The following RREB1 variants were observed in gnomAD, a reference collection of about 807,000 sequenced individuals.
RREB1 encodes the protein ras-responsive element-binding protein 1.
Under a neutral mutation model 117.8 loss-of-function variants are expected in RREB1, and 27 were observed. That is an observed-to-expected ratio of 0.23 (90% CI 0.17 to 0.32). The LOEUF is 0.32. Ranked by LOEUF, RREB1 falls within the 10% of genes least tolerant of loss-of-function variation. The pLI, the probability that RREB1 is intolerant of heterozygous loss-of-function variation, is 1.00. For synonymous variants in RREB1, 1,298 were observed against 1,026.7 expected (o/e 1.26, Z -5.05); for missense variants, 2,577 against 2,378.2 (o/e 1.08, Z -1.74).
intron 1 of RREB1, among the ~76,000 whole-genome samples, 157 bp downstream of exon 1, chr6:7,108,217 G>C (rs1274619001): frequency 1.3e-5 from 2 of 152,050 alleles, no homozygotes; most frequent in Non-Finnish European, 2.9e-5. Context: ...CCGGAGCCGG[G>C]GACCCGCACG....
intron 1 of RREB1, among the ~76,000 whole-genome samples, chr6:7,117,111 TTATGTGTTTG>T (rs1761432355): frequency 6.6e-6 from 1 of 152,320 alleles, no homozygotes; most frequent in African/African-American, 2.4e-5. Context: ...AAATCTTGCT[TTATGTGTTTG>T]TATGTGTCTG....
At chr6:7,247,337 C>G in intron 12 of RREB1, 116 bp downstream of exon 12, 2 of 911,742 alleles carry the variant, frequency 2.2e-6, no homozygotes, top group Non-Finnish European at 3.2e-6. Flanking sequence ...GCTTACGTTG[C>G]CGGTGTGCCC....
chr6:7,249,149 A>G lies in RREB1; in HGVS notation c.*181A>G, dbSNP rs900251606. ...TCGCTCAGTGCCATAGCCTTACCGC[A>G]GCCTGCGCGGGAGGCCACAGCCCGT... On this transcript the variant is annotated 3_prime_UTR_variant, in exon 13 of 13. Coordinates refer to ENST00000379938, the MANE Select transcript of RREB1 (RefSeq NM_001003699.4). The G allele has an allele frequency of 3.5e-6, 2 of 573,100 alleles. No individual in the cohort carries two copies. Among genetic ancestry groups the G allele is most frequent in the African/African-American group, 3.7e-5 (2 of 53,390 alleles). The allele number at this position is 573,100 out of a possible 1,614,324, so 35.5% of individuals were successfully genotyped here. A position where few individuals can be genotyped will look rare whatever the true frequency, so the allele number is the denominator to read the frequency against.
chr6:7,226,589 T>C lies in RREB1; in HGVS notation c.830T>C (p.Ile277Thr). 6.2e-7 allele frequency: 1 copy of C among 1,614,168 alleles called. No individual in the cohort carries two copies. The highest frequency in any genetic ancestry group is 8.5e-7 in the Non-Finnish European group (1 of 1,180,018). Residue 277 changes from isoleucine to threonine, a missense_variant, in exon 9 of 13, where the codon ATT becomes ACT. By Grantham distance (89) the Ile-to-Thr change is moderately conservative. Coordinates refer to ENST00000379938, the MANE Select transcript of RREB1 (RefSeq NM_001003699.4). ...CCTTTCATACAGAACAACCCTTCAA[T>C]TCCTGCTGGCTTCCACGACTTAGGA... ...GRPFIQNNPSIPAGFHDLGFT... is the reference protein window; with the variant it reads ...GRPFIQNNPSTPAGFHDLGFT...
At chr6:7,113,783 AG>A (rs1182271543) in intron 1 of RREB1, among the ~76,000 whole-genome samples, 1 of 152,250 alleles carries the variant, frequency 6.6e-6, no homozygotes, top group African/African-American at 2.4e-5. Flanking sequence ...TTGAGTTTGA[AG>A]GTATAAGGAA....
At chr6:7,190,993 A>T (rs1277808848) in intron 6 of RREB1, among the ~76,000 whole-genome samples, 2 of 152,212 alleles carry the variant, frequency 1.3e-5, no homozygotes, top group African/African-American at 4.8e-5. Flanking sequence ...ACCACTGACC[A>T]CTGTGATCCT....
rs533203920 is a variant in RREB1 at position 7,206,032 on chromosome 6, C to G, written c.426-4772C>G. ...GTGTTATGAATAGGATAAAACTTCTCTTGACTCCAAAAGTTCTGATAAAAT... is the reference window on the plus strand; with the variant it reads ...GTGTTATGAATAGGATAAAACTTCTGTTGACTCCAAAAGTTCTGATAAAAT... On this transcript the variant is annotated intron_variant, in intron 6 of 12. Coordinates refer to ENST00000379938, the MANE Select transcript of RREB1 (RefSeq NM_001003699.4). Among the ~76,000 whole-genome samples, 117 of 152,318 alleles carry G rather than the reference C, an allele frequency of 7.7e-4. 4 individuals carry two copies. The South Asian group carries it at 0.023, about 29-fold the overall frequency.
chr6:7,123,606 G>A (rs1761774534), intron 1 of RREB1, among the ~76,000 whole-genome samples: 1 of 136,910 alleles, frequency 7.3e-6, no homozygotes, highest in Non-Finnish European at 1.6e-5. Context: ...GCCATGTGAT[G>A]TGTCTTTTTT....
chr6:7,180,516 A>G (rs1428739858), intron 2 of RREB1, among the ~76,000 whole-genome samples: 1 of 152,240 alleles, frequency 6.6e-6, no homozygotes, highest in Non-Finnish European at 1.5e-5. Context: ...CTTCAGCTGT[A>G]GAATATCCTC....
At chr6:7,164,312 G>A (rs1356492824) in intron 1 of RREB1, among the ~76,000 whole-genome samples, 1 of 151,948 alleles carries the variant, frequency 6.6e-6, no homozygotes, top group East Asian at 1.9e-4. Flanking sequence ...TCCCCCACCC[G>A]GTTCTCTTAC....
chr6:7,171,500 TC>T (rs1167368211), intron 1 of RREB1, among the ~76,000 whole-genome samples: 1 of 152,190 alleles, frequency 6.6e-6, no homozygotes, highest in African/African-American at 2.4e-5. Flanking sequence ...TTAACAGAGT[TC>T]AGCAACTGGA....
At chr6:7,129,327 G>A (rs1407901521) in intron 1 of RREB1, among the ~76,000 whole-genome samples, 2 of 152,238 alleles carry the variant, frequency 1.3e-5, no homozygotes, top group East Asian at 3.9e-4. Flanking sequence ...GGGGCAAGGT[G>A]GAAGGTGGGG....
intron 6 of RREB1, among the ~76,000 whole-genome samples, chr6:7,194,876 A>T (rs1765590966): frequency 6.6e-6 from 1 of 152,252 alleles, no homozygotes; most frequent in South Asian, 2.1e-4. Flanking sequence ...GAAGTGTTCC[A>T]CTACTAGCTG....
At chr6:7,161,932 G>T (rs933086329) in intron 1 of RREB1, among the ~76,000 whole-genome samples, 2 of 152,164 alleles carry the variant, frequency 1.3e-5, no homozygotes, top group African/African-American at 4.8e-5. Flanking sequence ...CTGTGGATAC[G>T]ATTATTTCAT....
chr6:7,126,903 C>G (rs896705659), intron 1 of RREB1, among the ~76,000 whole-genome samples: 1 of 152,086 alleles, frequency 6.6e-6, no homozygotes, highest in Non-Finnish European at 1.5e-5. Flanking sequence ...CCAGCAAGGA[C>G]AAGTGGAGGG....
chr6:7,196,210 T>A (rs1581522989), intron 6 of RREB1, among the ~76,000 whole-genome samples: 1 of 140,512 alleles, frequency 7.1e-6, no homozygotes, highest in Non-Finnish European at 1.5e-5. Flanking sequence ...TTTTTGGTTT[T>A]TTTTTTCGTT....
chr6:7,109,343 A>G (rs1186020267), intron 1 of RREB1, among the ~76,000 whole-genome samples: 1 of 151,640 alleles, frequency 6.6e-6, no homozygotes, highest in African/African-American at 2.4e-5. Flanking sequence ...TGCGACCTTA[A>G]TGGTTGCTAA....
At chr6:7,130,490 G>C (rs919057666) in intron 1 of RREB1, among the ~76,000 whole-genome samples, 4 of 152,142 alleles carry the variant, frequency 2.6e-5, no homozygotes, top group African/African-American at 9.7e-5. Context: ...CCTGGTGCCT[G>C]GTCTTGGGGG....
chr6:7,244,320 C>G (rs1159144683), intron 11 of RREB1, among the ~76,000 whole-genome samples: 2 of 151,750 alleles, frequency 1.3e-5, no homozygotes, highest in Non-Finnish European at 2.9e-5. Flanking sequence ...TGCCTATAAC[C>G]TCAGCACTTT....
Sources: gnomAD v4.1 joint callset for allele counts (sites outside exome capture counted in the v4.1 genomes callset) on GRCh38, gnomAD v4.1.1 for gene constraint, MANE v1.5 for transcripts, NCBI Gene and HGNC (gene_info 2026-07-23, HGNC 2026-07-21) for gene names.